The following MYLIP variants were observed in gnomAD, a reference collection of about 807,000 sequenced individuals.
The protein encoded by MYLIP is E3 ubiquitin-protein ligase MYLIP.
In MYLIP, 26 loss-of-function variants were observed where a neutral mutation model predicts 45.8. That is an observed-to-expected ratio of 0.57 (90% confidence interval 0.42 to 0.79). The LOEUF (loss-of-function observed/expected upper bound fraction) is 0.79, where lower values mean the gene tolerates loss of function less well. MYLIP is among the 30% of genes least tolerant of loss of function. MYLIP has a pLI of 0.00. For missense variants in MYLIP, 494 were observed against 555.6 expected (o/e 0.89, Z 1.11); for synonymous variants, 213 against 218.1 (o/e 0.98, Z 0.21).
At position 16,146,753 on chromosome 6, in the gene MYLIP, CTG is replaced by C; in HGVS notation, c.*4_*5del. On this transcript the variant is annotated 3_prime_UTR_variant, in exon 7 of 7. Coordinates refer to ENST00000356840, the MANE Select transcript of MYLIP (RefSeq NM_013262.4). ...CTTCTCAATCTGACTGTAATCTAAT[CTG>C]TTGTGCTTTTGTTGGACTTGGCATG... is the stretch of plus-strand genomic sequence containing the variant. 1 of 1,601,002 alleles carries C rather than the reference CTG, an allele frequency of 6.2e-7. No individual in the cohort carries two copies. Among genetic ancestry groups the C allele is most frequent in the Non-Finnish European group, 8.5e-7 (1 of 1,171,328 alleles).
At chr6:16,149,126 C>T (rs1023748702), downstream of MYLIP, among the ~76,000 whole-genome samples, 7 of 152,240 alleles carry the variant, frequency 4.6e-5, no homozygotes, top group African/African-American at 9.6e-5. Context: ...TAGCCTGTAA[C>T]GTGTACTTTT....
At chr6:16,150,578 C>T (rs1366170507), downstream of MYLIP, among the ~76,000 whole-genome samples, 1 of 152,112 alleles carries the variant, frequency 6.6e-6, no homozygotes, top group Non-Finnish European at 1.5e-5. Context: ...CTTGTAGTTC[C>T]AGCTACTCGG....
rs759374818 is a variant in MYLIP, at chr6:16,145,246, G to A, written c.1177G>A (p.Glu393Lys). The change falls in exon 6 of 7, where the codon GAG becomes AAG. Residue 393 changes from glutamate (E) to lysine (K), a missense_variant. Coordinates refer to ENST00000356840, the MANE Select transcript of MYLIP (RefSeq NM_013262.4). ...CATGCTGTGCATGGTGTGCTGCGAG[G>A]AGGAGATCAACTCCACCTTCTGTCC... Reference protein sequence around the residue: ...EAMLCMVCCEEEINSTFCPCG... With the variant: ...EAMLCMVCCEKEINSTFCPCG... The A allele has an allele frequency of 1.2e-5, 19 of 1,613,360 alleles. No homozygotes were observed. The highest frequency in any genetic ancestry group is 1.5e-5 in the Non-Finnish European group (18 of 1,179,412).
At chr6:16,156,369 T>A in the MYLIP span, among the ~76,000 whole-genome samples, 1 of 152,206 alleles carries the variant, frequency 6.6e-6, no homozygotes, top group Non-Finnish European at 1.5e-5. Flanking sequence ...AATAAACATG[T>A]GAACATATTT....
At chr6:16,143,369 A>G (rs1759716335) in intron 4 of MYLIP, 152 bp downstream of exon 4, 3 of 813,226 alleles carry the variant, frequency 3.7e-6, no homozygotes, top group Non-Finnish European at 5.8e-6. Context: ...TTCAGGCCTA[A>G]ATAACCATTT....
chr6:16,132,375 T>G (rs1369869304), intron 2 of MYLIP, among the ~76,000 whole-genome samples: 1 of 152,218 alleles, frequency 6.6e-6, no homozygotes. Context: ...AATTAGAACT[T>G]GAATCAAATT....
In MYLIP at chr6:16,146,814, A is replaced by C; in HGVS notation, c.*63A>C. On this transcript the variant is annotated 3_prime_UTR_variant, in exon 7 of 7. Coordinates refer to ENST00000356840, the MANE Select transcript of MYLIP (RefSeq NM_013262.4). ...AACTGCACTATTATAAACTATTAAAATGATAGATTGTGGAGAAAGTAATTA... is the reference window on the plus strand; with the variant it reads ...AACTGCACTATTATAAACTATTAAACTGATAGATTGTGGAGAAAGTAATTA... 3.0e-6 allele frequency: 4 copies of C among 1,337,526 alleles called. No individual in the cohort carries two copies. The highest frequency in any genetic ancestry group is 3.1e-6 in the Non-Finnish European group (3 of 956,384). 82.9% of individuals were successfully genotyped at this position (1,337,526 alleles called of 1,614,324 possible).
chr6:16,141,795 CT>C lies in MYLIP; in HGVS notation c.450del (p.Ala151ProfsTer3). ...YEELCAKELS[S>X]ATLNSIVAKH... ...GAGCTCTGTGCCAAGGAGCTCTCCT[CT>C]GCCACCTTGAACAGGTGAGGCTGTT... is the stretch of plus-strand genomic sequence containing the variant. On this transcript the variant is annotated frameshift_variant, in exon 3 of 7. Coordinates refer to ENST00000356840, the MANE Select transcript of MYLIP (RefSeq NM_013262.4). LOFTEE classifies it high-confidence loss of function. 1 of 1,612,950 alleles carries C rather than the reference CT, an allele frequency of 6.2e-7. No individual in the cohort carries two copies. The highest frequency in any genetic ancestry group is 8.5e-7 in the Non-Finnish European group (1 of 1,179,214).
chr6:16,159,854 C>T, the MYLIP span, among the ~76,000 whole-genome samples: 11 of 152,192 alleles, frequency 7.2e-5, no homozygotes, highest in Non-Finnish European at 5.9e-5. Context: ...GGGGCTACCA[C>T]CACGCAGCAA....
At position 16,147,116 on chromosome 6, in the gene MYLIP, C is replaced by A. The variant is rs980029490; in HGVS notation, c.*365C>A. On this transcript the variant is annotated 3_prime_UTR_variant, in exon 7 of 7. Transcript: ENST00000356840. ...GATGTTGTAAGTCTCCTTAATGTAT[C>A]CTGAGGTAAGTTTCCTACTGGCAGC... 1 of 165,248 alleles carries A rather than the reference C, an allele frequency of 6.1e-6. No individual in the cohort carries two copies. The highest frequency in any genetic ancestry group is 6.0e-5 in the Admixed American group (1 of 16,754). 10.2% of individuals were successfully genotyped at this position (165,248 alleles called of 1,614,324 possible).
chr6:16,131,029 G>GAAAAAGAA (rs1554124554), intron 2 of MYLIP, among the ~76,000 whole-genome samples: 1 of 115,246 alleles, frequency 8.7e-6, no homozygotes, highest in African/African-American at 3.4e-5. Flanking sequence ...GCTACCCCAG[G>GAAAAAGAA]AAAAAAAAAA....
rs747981623 is a variant in MYLIP at position 16,143,094 on chromosome 6, C to A, written c.539C>A (p.Ser180Ter). ...GAATACCAAGTTTTGCAGATTGTGTCGGCAATGGAAAACTATGGCATAGAA... is the reference window on the plus strand; with the variant it reads ...GAATACCAAGTTTTGCAGATTGTGTAGGCAATGGAAAACTATGGCATAGAA... Reference protein sequence around the residue: ...SAEYQVLQIVSAMENYGIEWH... With the variant: ...SAEYQVLQIV Residue 180 changes from serine (S) to a stop codon, truncating the protein, a stop_gained, in exon 4 of 7, where the codon TCG (serine) becomes TAG (stop). Transcript: ENST00000356840. LOFTEE classifies it high-confidence loss of function. 6.2e-7 allele frequency: 1 copy of A among 1,614,092 alleles called. No homozygotes were observed. The highest frequency in any genetic ancestry group is 1.1e-5 in the South Asian group (1 of 91,070).
chr6:16,141,437 G>A (rs766129108), intron 2 of MYLIP, 188 bp from the exon 3 acceptor site: 2 of 463,986 alleles, frequency 4.3e-6, no homozygotes, highest in Non-Finnish European at 3.8e-6. Flanking sequence ...TTATTCCAGA[G>A]AAACGCAGTT....
At chr6:16,156,770 T>C in the MYLIP span, among the ~76,000 whole-genome samples, 9 of 152,312 alleles carry the variant, frequency 5.9e-5, no homozygotes, top group African/African-American at 2.2e-4. Flanking sequence ...ATAATCTGAG[T>C]AATATGACAA....
downstream of MYLIP, among the ~76,000 whole-genome samples, chr6:16,149,974 T>C (rs1293955319): frequency 3.9e-5 from 6 of 152,106 alleles, no homozygotes; most frequent in East Asian, 9.6e-4. Context: ...AACCTGGAGG[T>C]AGTTGAAAGC....
In MYLIP at chr6:16,129,441, G is replaced by T; in HGVS notation, c.87+32G>T. 1 of 1,557,076 alleles carries T rather than the reference G, an allele frequency of 6.4e-7. No homozygotes were observed. Among genetic ancestry groups the T allele is most frequent in the Non-Finnish European group, 8.7e-7 (1 of 1,151,482 alleles). ...GCGAGGGGCAAGAAGGGGCCCCGGC[G>T]GGTCCCGCGAGGCCGAGGGGCCTCG... On this transcript the variant is annotated intron_variant, in intron 1 of 6. Coordinates refer to ENST00000356840, the MANE Select transcript of MYLIP (RefSeq NM_013262.4). The surrounding 1 kb of genome is among the most constrained non-coding windows in gnomAD (Gnocchi z 5.1).
rs1394116296 is a variant in MYLIP, at chr6:16,129,631, C to T, written c.87+222C>T. ...AAGCGCGCAGCGGGGGTCCCCAGCG[C>T]TGAGGGCCGGGCGCAGCCCGCAGCC... On this transcript the variant is annotated intron_variant, in intron 1 of 6. Coordinates refer to ENST00000356840, the MANE Select transcript of MYLIP (RefSeq NM_013262.4). The surrounding 1 kb of genome is among the most constrained non-coding windows in gnomAD (Gnocchi z 5.1). Among the ~76,000 whole-genome samples, 1 of 152,180 alleles carries T rather than the reference C, an allele frequency of 6.6e-6. No individual in the cohort carries two copies. Among genetic ancestry groups the T allele is most frequent in the African/African-American group, 2.4e-5 (1 of 41,462 alleles).
the MYLIP span, among the ~76,000 whole-genome samples, chr6:16,153,592 C>A: frequency 1.3e-5 from 2 of 152,278 alleles, no homozygotes; most frequent in South Asian, 2.1e-4. Context: ...CATGATTATT[C>A]ATAATAGACA....
chr6:16,146,552 A>G, intron 6 of MYLIP, 110 bp from the exon 7 acceptor site: 1 of 796,670 alleles, frequency 1.3e-6, no homozygotes, highest in Non-Finnish European at 2.1e-6. Context: ...CACTGTGATC[A>G]CAATTGATTT....
Sources: allele counts gnomAD v4.1 joint callset (sites outside exome capture counted in the v4.1 genomes callset), GRCh38; gene constraint gnomAD v4.1.1; non-coding constraint Gnocchi (gnomAD v3.1); transcripts MANE v1.5; gene names NCBI Gene and HGNC (gene_info 2026-07-23, HGNC 2026-07-21).